Variants in MTMR3 observed in about 807,000 individuals in gnomAD.
The protein encoded by MTMR3 is myotubularin related protein 3.
MTMR3 carries 32 observed loss-of-function variants against 132.4 expected under a neutral mutation model. That is an observed-to-expected ratio of 0.24 (90% confidence interval 0.18 to 0.32). The LOEUF (loss-of-function observed/expected upper bound fraction) is 0.32. Ranked by LOEUF, MTMR3 falls within the 10% of genes least tolerant of loss-of-function variation. MTMR3 has a pLI of 1.00. For missense variants in MTMR3, 1,216 were observed against 1,489.6 expected, an observed-to-expected ratio of 0.82 and a Z score of 3.02; for synonymous variants, 556 against 550.3, an observed-to-expected ratio of 1.01 and a Z score of -0.14.
At position 30,003,089 on chromosome 22, in the gene MTMR3, G is replaced by GA. The variant is rs2067207928; in HGVS notation, c.671+97dup. On this transcript the variant is annotated intron_variant, in intron 9 of 19. Coordinates refer to ENST00000401950, the MANE Select transcript of MTMR3 (RefSeq NM_021090.4). Reference sequence around the variant, plus strand: ...CTGCTGCTAACCTGGGAAGGGTGGGGAGAGTTCAGAGAACTTTCTAGGCAA... The same window carrying GA: ...CTGCTGCTAACCTGGGAAGGGTGGGGAAGAGTTCAGAGAACTTTCTAGGCAA... The GA allele has an allele frequency of 3.3e-6, 3 of 907,630 alleles. No individual in the cohort carries two copies. The Middle Eastern group carries it at 8.5e-4, about 256-fold the overall frequency. The allele number at this position is 907,630 out of a possible 1,614,324, so 56.2% of individuals were successfully genotyped here.
intron 2 of MTMR3, among the ~76,000 whole-genome samples, chr22:29,958,109 ATT>A (rs1484592885): frequency 1.3e-5 from 2 of 152,146 alleles, no homozygotes; most frequent in Non-Finnish European, 2.9e-5. Context: ...GCAAATATGA[ATT>A]TTAATGAGAA....
chr22:29,935,253 T>C (rs1414467007), intron 1 of MTMR3, among the ~76,000 whole-genome samples: 1 of 152,206 alleles, frequency 6.6e-6, no homozygotes, highest in Non-Finnish European at 1.5e-5. Flanking sequence ...AAATGGCATG[T>C]ACAGTTCGAA....
intron 6 of MTMR3, chr22:29,988,865 TTTA>T: frequency 5.6e-6 from 1 of 179,290 alleles, no homozygotes. Flanking sequence ...TACCATTTGC[TTTA>T]TTATTTGCAG....
At position 30,007,303 on chromosome 22, in the gene MTMR3, T is replaced by A; in HGVS notation, c.861T>A (p.Leu287=). The change falls in exon 10 of 20, where the codon CTT becomes CTA. Residue 287 remains leucine (L), a synonymous_variant. Coordinates refer to ENST00000401950, the MANE Select transcript of MTMR3 (RefSeq NM_021090.4). ...TSRDFPNGGD[L]SDVEFDSSLS... is the part of the protein sequence containing the mutation. ...GAGACTTTCCCAATGGGGGAGACCTTTCTGACGTGGAGTTCGGTAAGGTGC... is the reference window on the plus strand; with the variant it reads ...GAGACTTTCCCAATGGGGGAGACCTATCTGACGTGGAGTTCGGTAAGGTGC... The A allele has an allele frequency of 6.2e-7, 1 of 1,614,128 alleles. No individual in the cohort carries two copies. The highest frequency in any genetic ancestry group is 8.5e-7 in the Non-Finnish European group (1 of 1,180,022).
chr22:29,930,054 A>G (rs1233567458), intron 1 of MTMR3, among the ~76,000 whole-genome samples: 2 of 152,152 alleles, frequency 1.3e-5, no homozygotes, highest in African/African-American at 4.8e-5. Flanking sequence ...AGTTCAGTGA[A>G]TTCCTTTCAT....
intron 1 of MTMR3, among the ~76,000 whole-genome samples, chr22:29,953,185 A>G (rs1233377303): frequency 6.6e-6 from 1 of 152,238 alleles, no homozygotes; most frequent in Non-Finnish European, 1.5e-5. Flanking sequence ...AGACAAGACT[A>G]TGTAGAAAGT....
intron 1 of MTMR3, among the ~76,000 whole-genome samples, chr22:29,888,610 T>C (rs1419270727): frequency 1.3e-5 from 2 of 152,172 alleles, no homozygotes; most frequent in African/African-American, 4.8e-5. Context: ...AAGTACTCTT[T>C]TCCCTTAACA....
intron 11 of MTMR3, chr22:30,008,653 G>A (rs1021196792): frequency 6.1e-5 from 11 of 181,236 alleles, no homozygotes; most frequent in Non-Finnish European, 1.1e-4. Context: ...ATGTGTGAAC[G>A]CATTGTTCTG....
chr22:30,028,199 G>C lies in MTMR3; in HGVS notation c.*2398G>C, dbSNP rs2067947225. On this transcript the variant is annotated 3_prime_UTR_variant, in exon 20 of 20. Coordinates refer to ENST00000401950, the MANE Select transcript of MTMR3 (RefSeq NM_021090.4). ...CCTCAAGGCTCCATTTTTAGCTGCTGCTCTGATTTCAGGGCAGCCAGTACT... is the reference window on the plus strand; with the variant it reads ...CCTCAAGGCTCCATTTTTAGCTGCTCCTCTGATTTCAGGGCAGCCAGTACT... 6.6e-6 allele frequency: 1 copy of C among 152,392 alleles called. No homozygotes were observed. Among genetic ancestry groups the C allele is most frequent in the Non-Finnish European group, 1.5e-5 (1 of 68,068 alleles). 9.4% of individuals were successfully genotyped at this position (152,392 alleles called of 1,614,324 possible).
At chr22:30,022,199 A>C in intron 18 of MTMR3, 60 bp downstream of exon 18, 1 of 1,367,418 alleles carries the variant, frequency 7.3e-7, no homozygotes, top group African/African-American at 1.4e-5. Context: ...GTTCTTCTCC[A>C]CCCCCATTCC....
chr22:29,918,024 A>G (rs2056565677), intron 1 of MTMR3, among the ~76,000 whole-genome samples: 1 of 152,222 alleles, frequency 6.6e-6, no homozygotes, highest in Non-Finnish European at 1.5e-5. Context: ...CTCTGAAATC[A>G]CGAAATGCCT....
chr22:29,908,894 A>T (rs2065151923), intron 1 of MTMR3, among the ~76,000 whole-genome samples: 1 of 152,134 alleles, frequency 6.6e-6, no homozygotes, highest in South Asian at 2.1e-4. Context: ...TTTATTTAAT[A>T]CATGTTTTCT....
At chr22:29,954,550 T>A (rs1388694902) in intron 1 of MTMR3, among the ~76,000 whole-genome samples, 1 of 152,198 alleles carries the variant, frequency 6.6e-6, no homozygotes, top group East Asian at 1.9e-4. Flanking sequence ...TACTCGAACC[T>A]TTTCTGTTGA....
intron 1 of MTMR3, among the ~76,000 whole-genome samples, chr22:29,940,354 C>T (rs538745627): frequency 1.4e-5 from 2 of 139,856 alleles, no homozygotes; most frequent in African/African-American, 6.7e-5. Context: ...AAAATTTGTT[C>T]CTAATTCCAC....
Position 30,026,048 on chromosome 22 carries a change from AT to A in MTMR3, c.*261del, listed in dbSNP as rs139430397. 35,598 of 330,238 alleles carry A rather than the reference AT, an allele frequency of 0.11. No individual in the cohort carries two copies. The highest frequency in any genetic ancestry group is 0.18 in the Middle Eastern group (198 of 1,128). 20.5% of individuals were successfully genotyped at this position (330,238 alleles called of 1,614,324 possible). A position where few individuals can be genotyped will look rare whatever the true frequency, so the allele number is the denominator to read the frequency against. ...AGGAAACTTTCCCTTGGTTGTCTTA[AT>A]TTTTTTTTTTTTTGATGGAAGACCA... On this transcript the variant is annotated 3_prime_UTR_variant, in exon 20 of 20. Transcript: ENST00000401950.
At chr22:29,908,064 A>T (rs1158955411) in intron 1 of MTMR3, among the ~76,000 whole-genome samples, 1 of 152,182 alleles carries the variant, frequency 6.6e-6, no homozygotes, top group Non-Finnish European at 1.5e-5. Flanking sequence ...GAGTAATGGT[A>T]TATAGGTAGG....
chr22:29,946,444 G>A (rs756995475), intron 1 of MTMR3, among the ~76,000 whole-genome samples: 21 of 152,304 alleles, frequency 1.4e-4, no homozygotes, highest in Non-Finnish European at 2.8e-4. Flanking sequence ...TCGAGAGAAA[G>A]GCTTATCATT....
chr22:30,008,122 T>C lies in MTMR3; in HGVS notation c.1009+90T>C. The C allele has an allele frequency of 2.6e-6, 4 of 1,520,652 alleles. No homozygotes were observed. In the South Asian group the frequency reaches 4.9e-5, roughly 18 times the overall value. 94.2% of individuals were successfully genotyped at this position (1,520,652 alleles called of 1,614,324 possible). A position where few individuals can be genotyped will look rare whatever the true frequency, so the allele number is the denominator to read the frequency against. On this transcript the variant is annotated intron_variant, in intron 11 of 19. Coordinates refer to ENST00000401950, the MANE Select transcript of MTMR3 (RefSeq NM_021090.4). ...GACTTAGTTCCCAATTTGAAATAAG[T>C]GGCAAGCCATATTCCTCATCCATCC...
chr22:30,019,601 C>G lies in MTMR3; in HGVS notation c.1942C>G (p.Leu648Val), dbSNP rs1206812150. ...GAAGTGGCAGGAGCACCGGCGCTCA[C>G]TAGAGCTGAGCAGCCTGGCTGGCCC... ...NEKWQEHRRS[L>V]ELSSLAGPGE... Residue 648 changes from leucine (L) to valine (V), a missense_variant, in exon 17 of 20, where the codon CTA becomes GTA. Around this residue, in one of 7 missense-constraint regions of MTMR3, gnomAD observed 852 missense variants for 852.0 expected, o/e 1.00. Transcript: ENST00000401950. 6.2e-7 allele frequency: 1 copy of G among 1,614,006 alleles called. No individual in the cohort carries two copies. The highest frequency in any genetic ancestry group is 1.3e-5 in the African/African-American group (1 of 74,948).
Sources: gnomAD v4.1 joint callset for allele counts (sites outside exome capture counted in the v4.1 genomes callset) on GRCh38, gnomAD v4.1.1 for gene constraint, gnomAD v4.1.1 regional missense constraint, MANE v1.5 for transcripts, NCBI Gene and HGNC (gene_info 2026-07-23, HGNC 2026-07-21) for gene names.